The following RBM43 variants were observed in gnomAD, a reference collection of about 807,000 sequenced individuals.
RBM43 encodes RNA-binding protein 43.
Under a neutral mutation model 12.4 loss-of-function variants are expected in RBM43, and 12 were observed. That is an observed-to-expected ratio of 0.97 (90% confidence interval 0.62 to 1.57). The LOEUF (loss-of-function observed/expected upper bound fraction) is 1.57. Ranked by LOEUF, RBM43 falls within the 40% of genes most tolerant of loss-of-function variation. The pLI is 0.00. For missense variants in RBM43, 348 were observed against 400.1 expected (o/e 0.87, Z 1.11); for synonymous variants, 138 against 145.7 (o/e 0.95, Z 0.38).
chr2:151,261,170 A>C lies in RBM43; in HGVS notation c.3+555T>G, dbSNP rs1195420441. On this transcript the variant is annotated intron_variant, in intron 1 of 3. Coordinates refer to ENST00000331426, the MANE Select transcript of RBM43 (RefSeq NM_198557.3). Reference sequence around the variant, plus strand: ...GAAACAAAACAAAACACAGAAGGATAAATTTTGAATTTGCTAAGACAAGAA... The same window carrying C: ...GAAACAAAACAAAACACAGAAGGATCAATTTTGAATTTGCTAAGACAAGAA... 10 of 1,415,274 alleles carry C rather than the reference A, an allele frequency of 7.1e-6. No individual in the cohort carries two copies. The East Asian group carries it at 2.5e-4, about 35-fold the overall frequency. 87.7% of individuals were successfully genotyped at this position (1,415,274 alleles called of 1,614,324 possible).
rs188269037 is a variant in RBM43, at chr2:151,251,155, A to G, written c.825T>C (p.His275=). Residue 275 remains histidine, a synonymous_variant, in exon 4 of 4, where the codon CAT becomes CAC. Transcript: ENST00000331426. ...QVGSQPNNAK[H]VKELIEEWSH... ...ACCATTCCTCAATGAGCTCTTTTAC[A>G]TGTTTTGCATTGTTTGGCTGAGAAC... The G allele has an allele frequency of 4.6e-5, 74 of 1,613,884 alleles. No individual in the cohort carries two copies. The East Asian group carries it at 1.5e-3, about 32-fold the overall frequency.
rs559120361 is a variant in RBM43 at position 151,251,349 on chromosome 2, G to C, written c.631C>G (p.Pro211Ala). 1 of 1,613,982 alleles carries C rather than the reference G, an allele frequency of 6.2e-7. No homozygotes were observed. The highest frequency in any genetic ancestry group is 8.5e-7 in the Non-Finnish European group (1 of 1,179,962). Residue 211 changes from proline (P) to alanine (A), a missense_variant, in exon 4 of 4, where the codon CCT becomes GCT. Transcript: ENST00000331426. ...NSLASVRTLVPETARSGEMLV... is the reference protein window; with the variant it reads ...NSLASVRTLVAETARSGEMLV... ...ATTTCTCCACTTCTAGCAGTCTCAG[G>C]TACTAAGGTCCTGACTGATGCCAAA...
At chr2:151,255,830 T>C in intron 1 of RBM43, 87 bp from the exon 2 acceptor site, 1 of 1,011,360 alleles carries the variant, frequency 9.9e-7, no homozygotes, top group Non-Finnish European at 1.5e-6. Context: ...GAGAATATCT[T>C]ATTCTATAAA....
chr2:151,259,151 G>GAAGAAAGAAAGGA (rs1350268490), intron 1 of RBM43, among the ~76,000 whole-genome samples: 5 of 142,328 alleles, frequency 3.5e-5, no homozygotes, highest in African/African-American at 1.2e-4. Flanking sequence ...AAAAAAAAAG[G>GAAGAAAGAAAGGA]AAGAAAGAAA....
Position 151,255,533 on chromosome 2 carries a change from C to CTT in RBM43, c.212_213dup (p.Val72LysfsTer14). The CTT allele has an allele frequency of 6.3e-7, 1 of 1,586,518 alleles. No homozygotes were observed. The highest frequency in any genetic ancestry group is 8.6e-7 in the Non-Finnish European group (1 of 1,163,682). On this transcript the variant is annotated frameshift_variant and splice_region_variant, in exon 2 of 4. Coordinates refer to ENST00000331426, the MANE Select transcript of RBM43 (RefSeq NM_198557.3). LOFTEE classifies it high-confidence loss of function. ...TTACAAAAATTTGACTTGGAAATAC[C>CTT]TTTTTTTTCTTTGAATATTACATAT...
chr2:151,261,496 C>T (rs1333587823), intron 1 of RBM43: 6 of 1,550,082 alleles, frequency 3.9e-6, no homozygotes, highest in Non-Finnish European at 5.2e-6. Context: ...TTCAGGAGCG[C>T]GCAATGCCGC....
At chr2:151,258,681 ACAGAGCAAGGCT>A (rs1263063633) in intron 1 of RBM43, among the ~76,000 whole-genome samples, 1 of 151,252 alleles carries the variant, frequency 6.6e-6, no homozygotes, top group Non-Finnish European at 1.5e-5. Flanking sequence ...AGCCTGGGTG[ACAGAGCAAGGCT>A]CTGTCTCAAA....
At chr2:151,254,979 A>C (rs1682953025) in intron 2 of RBM43, among the ~76,000 whole-genome samples, 1 of 152,228 alleles carries the variant, frequency 6.6e-6, no homozygotes, top group South Asian at 2.1e-4. Context: ...TTTCACCCCA[A>C]GATATAGACA....
chr2:151,261,624 C>A, intron 1 of RBM43, 101 bp downstream of exon 1: 1 of 1,549,668 alleles, frequency 6.5e-7, no homozygotes, highest in Non-Finnish European at 8.7e-7. Flanking sequence ...CGCAGCCCTG[C>A]ACCCTGGCCC....
In RBM43 at chr2:151,251,314, A is replaced by G. The variant is rs148796214; in HGVS notation, c.666T>C (p.Leu222=). ...ETARSGEMLV[L]DTDVFLYLKH... is the part of the protein sequence containing the mutation. ...TCAGGTAAAGAAAAACATCTGTGTC[A>G]AGCACAAGCATTTCTCCACTTCTAG... The change falls in exon 4 of 4, where the codon CTT becomes CTC. Residue 222 remains leucine (L), a synonymous_variant. Transcript: ENST00000331426. 36 of 1,613,958 alleles carry G rather than the reference A, an allele frequency of 2.2e-5. No individual in the cohort carries two copies. In the African/African-American group the frequency reaches 4.5e-4, roughly 20 times the overall value.
rs10671212 is a variant in RBM43 at position 151,259,138 on chromosome 2, C to CAAA, written c.3+2584_3+2586dup. Among the ~76,000 whole-genome samples the CAAA allele has an allele frequency of 2.6e-3, 359 of 140,286 alleles. 6 individuals are homozygous for CAAA. The highest frequency in any genetic ancestry group is 1.2e-3 in the Non-Finnish European group (78 of 64,814). The allele number at this position is 140,286 out of a possible 152,430, so 92.0% of individuals were successfully genotyped here. On this transcript the variant is annotated intron_variant, in intron 1 of 3. Coordinates refer to ENST00000331426, the MANE Select transcript of RBM43 (RefSeq NM_198557.3). ...GGGCAATAGAGGGAGACTTCGTCCC[C>CAAA]AAAAAAAAAAAGGAAGAAAGAAAGG...
At position 151,252,638 on chromosome 2, in the gene RBM43, C is replaced by T. The variant is rs145712990; in HGVS notation, c.315+117G>A. The T allele has an allele frequency of 3.7e-3, 2,222 of 594,660 alleles. 45 individuals are homozygous for T. Among genetic ancestry groups the T allele is most frequent in the African/African-American group, 0.037 (2,040 of 54,774 alleles). 36.8% of individuals were successfully genotyped at this position (594,660 alleles called of 1,614,324 possible). Reference sequence around the variant, plus strand: ...CTTTAACACTGACTCAGGGAGTTTGCATTTTCCTTCCTAGAAGTCATGGAG... The same window carrying T: ...CTTTAACACTGACTCAGGGAGTTTGTATTTTCCTTCCTAGAAGTCATGGAG... On this transcript the variant is annotated intron_variant, in intron 3 of 3. Coordinates refer to ENST00000331426, the MANE Select transcript of RBM43 (RefSeq NM_198557.3).
intron 1 of RBM43, chr2:151,261,199 G>A (rs976018329): frequency 4.7e-6 from 7 of 1,490,466 alleles, no homozygotes; most frequent in Admixed American, 4.5e-5. Flanking sequence ...ACAAGAATTC[G>A]CACCAAGGCA....
At chr2:151,258,346 C>T (rs1201425373) in intron 1 of RBM43, among the ~76,000 whole-genome samples, 2 of 147,052 alleles carry the variant, frequency 1.4e-5, no homozygotes, top group Non-Finnish European at 3.0e-5. Flanking sequence ...GCAGCTGGGC[C>T]AAACCACAAG....
chr2:151,261,830 T>TG lies in RBM43; in HGVS notation c.-104dup. ...GCAGGCAGGTTTTGGTTTCGTTTTT[T>TG]GTTCCAGCTCCCTTGGAGGCTACGA... On this transcript the variant is annotated 5_prime_UTR_variant, in exon 1 of 4. Coordinates refer to ENST00000331426, the MANE Select transcript of RBM43 (RefSeq NM_198557.3). The TG allele has an allele frequency of 7.2e-7, 1 of 1,390,346 alleles. No homozygotes were observed. Among genetic ancestry groups the TG allele is most frequent in the Admixed American group, 2.2e-5 (1 of 45,800 alleles). The allele number at this position is 1,390,346 out of a possible 1,614,324, so 86.1% of individuals were successfully genotyped here. A position where few individuals can be genotyped will look rare whatever the true frequency, so the allele number is the denominator to read the frequency against.
Position 151,255,702 on chromosome 2 carries a change from T to C in RBM43, c.45A>G (p.Arg15=). ...LNVKESKAPE[R]TVVVAGLPVD... is the part of the protein sequence containing the mutation. The stretch of plus-strand genomic sequence containing the variant: ...CTGGAAGACCAGCAACTACAACCGT[T>C]CTTTCAGGAGCTTTGGATTCCTTGA... Residue 15 remains arginine, a synonymous_variant, in exon 2 of 4, where the codon AGA becomes AGG. Transcript: ENST00000331426. 1.2e-6 allele frequency: 2 copies of C among 1,614,038 alleles called. No individual in the cohort carries two copies. The highest frequency in any genetic ancestry group is 1.7e-6 in the Non-Finnish European group (2 of 1,179,994).
At position 151,248,167 on chromosome 2, in the gene RBM43, A is replaced by G. The variant is rs1405736616; in HGVS notation, c.*2739T>C. 1 of 152,182 alleles carries G rather than the reference A, an allele frequency of 6.6e-6. No homozygotes were observed. Among genetic ancestry groups the G allele is most frequent in the Non-Finnish European group, 1.5e-5 (1 of 68,000 alleles). 9.4% of individuals were successfully genotyped at this position (152,182 alleles called of 1,614,324 possible). On this transcript the variant is annotated 3_prime_UTR_variant, in exon 4 of 4. Coordinates refer to ENST00000331426, the MANE Select transcript of RBM43 (RefSeq NM_198557.3). ...CACTAAATTGAACAAAAAATAGTTA[A>G]CTGTGAAAGTGTGCTGAATTATGTG... is the stretch of plus-strand genomic sequence containing the variant.
rs1255605112 is a variant in RBM43 at position 151,255,548 on chromosome 2, A to G, written c.199T>C (p.Phe67Leu). Residue 67 changes from phenylalanine to leucine, a missense_variant, in exon 2 of 4, where the codon TTC becomes CTC. By Grantham distance (22) the Phe-to-Leu change is conservative. Coordinates refer to ENST00000331426, the MANE Select transcript of RBM43 (RefSeq NM_198557.3). ...TTGGAAATACCTTTTTTTTCTTTGA[A>G]TATTACATATGCAACTCCCTTGGTT... ...TRTKGVAYVIFKEKKVAENVI... is the reference protein window; with the variant it reads ...TRTKGVAYVILKEKKVAENVI... The G allele has an allele frequency of 6.2e-7, 1 of 1,608,904 alleles. No individual in the cohort carries two copies. The highest frequency in any genetic ancestry group is 1.7e-5 in the Admixed American group (1 of 59,592).
At chr2:151,261,145 G>GAAACA in intron 1 of RBM43, 3 of 1,295,152 alleles carry the variant, frequency 2.3e-6, no homozygotes, top group East Asian at 2.5e-5. Flanking sequence ...GCGATTGATG[G>GAAACA]AAACAAAACA....
Sources: gnomAD v4.1 joint callset for allele counts (sites outside exome capture counted in the v4.1 genomes callset) on GRCh38, gnomAD v4.1.1 for gene constraint, MANE v1.5 for transcripts, NCBI Gene and HGNC (gene_info 2026-07-23, HGNC 2026-07-21) for gene names.